Variants in PDE8A observed in about 807,000 individuals in gnomAD.
The protein encoded by PDE8A is high affinity cAMP-specific and IBMX-insensitive 3',5'-cyclic phosphodiesterase 8A.
PDE8A carries 59 observed loss-of-function variants against 105.0 expected under a neutral mutation model. The ratio of observed to expected loss-of-function variants is 0.56; its 90% CI spans 0.46 to 0.70. The LOEUF is 0.70. Among genes scored for constraint, PDE8A ranks in the 30% least tolerant of loss-of-function variants. PDE8A has a pLI of 0.00. For synonymous variants in PDE8A, 355 were observed against 371.9 expected, an observed-to-expected ratio of 0.95 and a Z score of 0.52; for missense variants, 1,014 against 1,045.9, an observed-to-expected ratio of 0.97 and a Z score of 0.42.
chr15:85,127,609 T>G (rs1203078525), intron 20 of PDE8A, among the ~76,000 whole-genome samples: 1 of 151,996 alleles, frequency 6.6e-6, no homozygotes, highest in Non-Finnish European at 1.5e-5. Flanking sequence ...TAGGAAAAAA[T>G]TTAATAAGAG....
chr15:84,988,508 C>T (rs1298995530), intron 1 of PDE8A, among the ~76,000 whole-genome samples: 1 of 152,244 alleles, frequency 6.6e-6, no homozygotes, highest in Non-Finnish European at 1.5e-5. Flanking sequence ...GCCCTCTTTG[C>T]TGTCTGAAAT....
At chr15:84,997,567 A>G (rs1371529072) in intron 1 of PDE8A, among the ~76,000 whole-genome samples, 2 of 152,026 alleles carry the variant, frequency 1.3e-5, no homozygotes, top group Non-Finnish European at 2.9e-5. Context: ...CATTTATATG[A>G]TGGTACTAAT....
At chr15:84,997,697 A>G (rs2142169172) in intron 1 of PDE8A, among the ~76,000 whole-genome samples, 1 of 152,060 alleles carries the variant, frequency 6.6e-6, no homozygotes, top group Admixed American at 6.5e-5. Context: ...GGTTCAAGCA[A>G]TTCTCCTGCC....
intron 1 of PDE8A, among the ~76,000 whole-genome samples, chr15:85,009,110 A>AGAGAGTGT (rs1246239884): frequency 4.7e-5 from 3 of 64,202 alleles, no homozygotes; most frequent in Admixed American, 1.9e-4. Context: ...AGAGAGAGAG[A>AGAGAGTGT]GTGTGTGTGT....
intron 5 of PDE8A, 57 bp downstream of exon 5, chr15:85,076,844 C>G (rs2081387510): frequency 9.1e-7 from 1 of 1,101,644 alleles, no homozygotes; most frequent in Non-Finnish European, 1.4e-6. Flanking sequence ...ATTATTTTAT[C>G]TCAGTTCAGT....
At chr15:85,118,943 T>C (rs11638610) in intron 17 of PDE8A, among the ~76,000 whole-genome samples, 11 of 152,328 alleles carry the variant, frequency 7.2e-5, no homozygotes, top group Admixed American at 5.2e-4. Flanking sequence ...CTCCCTCTGG[T>C]TCTTATTTCT....
intron 1 of PDE8A, among the ~76,000 whole-genome samples, chr15:84,993,751 C>T (rs1253585680): frequency 6.6e-6 from 1 of 151,914 alleles, no homozygotes; most frequent in African/African-American, 2.4e-5. Flanking sequence ...ATTAGCTGGG[C>T]ATGGTGGTGC....
intron 1 of PDE8A, among the ~76,000 whole-genome samples, chr15:84,998,052 A>T (rs886155518): frequency 1.3e-5 from 2 of 152,236 alleles, no homozygotes; most frequent in Non-Finnish European, 2.9e-5. Context: ...TAAATTAAAA[A>T]TTTTTTATGT....
intron 1 of PDE8A, among the ~76,000 whole-genome samples, chr15:85,030,087 A>G (rs1334065609): frequency 6.6e-6 from 1 of 152,204 alleles, no homozygotes; most frequent in African/African-American, 2.4e-5. Flanking sequence ...TGTTAGAGGC[A>G]TAATTCTCAC....
intron 11 of PDE8A, among the ~76,000 whole-genome samples, chr15:85,102,120 A>G (rs1190147802): frequency 3.9e-5 from 6 of 152,200 alleles, no homozygotes; most frequent in Admixed American, 3.9e-4. Context: ...ACAGTGGAAG[A>G]GAACAGCAAG....
intron 1 of PDE8A, among the ~76,000 whole-genome samples, chr15:84,984,847 A>G (rs1414781991): frequency 2.6e-5 from 4 of 152,210 alleles, no homozygotes; most frequent in East Asian, 1.9e-4. Context: ...GAAGTGCTCA[A>G]TGGAGCATTT....
rs370489408 is a variant in PDE8A at position 85,084,057 on chromosome 15, G to GTT, written c.635+423_635+424dup. On this transcript the variant is annotated intron_variant, in intron 6 of 21. Transcript: ENST00000394553. Reference sequence around the variant, plus strand: ...TGCTCTTGATAAACAGGGTTTTTTGGTTTTTTTTTTTAAGTGACATGAGTA... The same window carrying GTT: ...TGCTCTTGATAAACAGGGTTTTTTGGTTTTTTTTTTTTTAAGTGACATGAGTA... Among the ~76,000 whole-genome samples, 691 of 145,712 alleles carry GTT rather than the reference G, an allele frequency of 4.7e-3. 10 individuals carry two copies. Among genetic ancestry groups the GTT allele is most frequent in the Non-Finnish European group, 6.4e-3 (421 of 66,094 alleles).
intron 2 of PDE8A, 30 bp from the exon 3 acceptor site, chr15:85,066,983 TA>T (rs2081239609): frequency 3.3e-6 from 5 of 1,497,280 alleles, no homozygotes; most frequent in African/African-American, 1.4e-5. Context: ...CATCTTTTTT[TA>T]AAAAAAGTGT....
chr15:85,073,113 CA>C (rs200888078), intron 3 of PDE8A, among the ~76,000 whole-genome samples: 1 of 150,724 alleles, frequency 6.6e-6, no homozygotes, highest in African/African-American at 2.4e-5. Flanking sequence ...GACCTTGTCT[CA>C]AAAAAAAAGT....
At chr15:85,014,108 A>T (rs1291034606) in intron 1 of PDE8A, among the ~76,000 whole-genome samples, 1 of 152,008 alleles carries the variant, frequency 6.6e-6, no homozygotes, top group Non-Finnish European at 1.5e-5. Flanking sequence ...GATGATAATC[A>T]CATCTTTCTT....
chr15:85,005,709 T>A (rs571601428), intron 1 of PDE8A, among the ~76,000 whole-genome samples: 192 of 152,292 alleles, frequency 1.3e-3, no homozygotes, highest in African/African-American at 4.4e-3. Flanking sequence ...GAAAGTCCAA[T>A]CTGATTCATT....
chr15:85,096,949 G>C (rs572684208), intron 8 of PDE8A, among the ~76,000 whole-genome samples: 3 of 152,278 alleles, frequency 2.0e-5, no homozygotes, highest in Admixed American at 6.5e-5. Context: ...TTTGGATGCA[G>C]GTTGCCATGT....
At chr15:84,981,597 C>G (rs1057226447), upstream of PDE8A, among the ~76,000 whole-genome samples, 1 of 152,010 alleles carries the variant, frequency 6.6e-6, no homozygotes, top group Non-Finnish European at 1.5e-5. Context: ...TGTACCCCAC[C>G]GGCACTCGGC....
At chr15:84,992,471 A>G (rs566257200) in intron 1 of PDE8A, among the ~76,000 whole-genome samples, 1 of 152,186 alleles carries the variant, frequency 6.6e-6, no homozygotes, top group Non-Finnish European at 1.5e-5. Flanking sequence ...CCATCCTATA[A>G]ACCTCAGAGA....
Sources: gnomAD v4.1 joint callset for allele counts (sites outside exome capture counted in the v4.1 genomes callset) on GRCh38, gnomAD v4.1.1 for gene constraint, MANE v1.5 for transcripts, NCBI Gene and HGNC (gene_info 2026-07-23, HGNC 2026-07-21) for gene names.